The following CTNNA3 variants were observed in gnomAD, a reference collection of about 807,000 sequenced individuals.
CTNNA3 encodes catenin alpha-3.
Under a neutral mutation model 95.7 loss-of-function variants are expected in CTNNA3, and 76 were observed. The observed-to-expected ratio is 0.79, with a 90% CI of 0.66 to 0.96. CTNNA3 has a LOEUF of 0.96. Ranked by LOEUF, CTNNA3 falls within the 40% of genes least tolerant of loss-of-function variation. CTNNA3 has a pLI of 0.00. For missense variants in CTNNA3, 1,191 were observed against 1,089.8 expected (o/e 1.09, Z -1.31); for synonymous variants, 431 against 374.4 (o/e 1.15, Z -1.74).
intron 11 of CTNNA3, among the ~76,000 whole-genome samples, chr10:66,388,369 C>A (rs4426045): frequency 6.6e-6 from 1 of 151,974 alleles, no homozygotes. Context: ...ACTATTTTTT[C>A]CCCAGTGAAT....
chr10:66,030,945 T>A (rs900549348), intron 15 of CTNNA3, among the ~76,000 whole-genome samples: 13 of 151,962 alleles, frequency 8.6e-5, no homozygotes, highest in African/African-American at 3.1e-4. Context: ...ATGAAAAAAA[T>A]GCTCAACATC....
chr10:66,827,920 T>C (rs757550211), intron 7 of CTNNA3, among the ~76,000 whole-genome samples: 6 of 152,146 alleles, frequency 3.9e-5, no homozygotes, highest in Admixed American at 3.9e-4. Flanking sequence ...GAAACCGAGA[T>C]GATATAAAAC....
chr10:66,838,385 C>A (rs973744263), intron 7 of CTNNA3, among the ~76,000 whole-genome samples: 3 of 151,828 alleles, frequency 2.0e-5, no homozygotes, highest in Non-Finnish European at 4.4e-5. Context: ...ATTATTAGTA[C>A]TACTGTTACA....
chr10:67,004,567 C>T (rs1851867570), intron 7 of CTNNA3, among the ~76,000 whole-genome samples: 1 of 151,958 alleles, frequency 6.6e-6, no homozygotes, highest in African/African-American at 2.4e-5. Flanking sequence ...CAGTGGAAAC[C>T]ATCATTATTG....
chr10:66,417,117 G>C (rs1174921349), intron 11 of CTNNA3, among the ~76,000 whole-genome samples: 1 of 151,914 alleles, frequency 6.6e-6, no homozygotes, highest in Non-Finnish European at 1.5e-5. Flanking sequence ...TTAAAAAAAT[G>C]ATCCAACTAC....
In CTNNA3 at chr10:66,914,542, C is replaced by CAA. The variant is rs34229702; in HGVS notation, c.1048-139020_1048-139019dup. On this transcript the variant is annotated intron_variant, in intron 7 of 17. Transcript: ENST00000433211. ...GGCACCGCAGCAAGCAGTATACCAC[C>CAA]AAAAAAAAAAAAAAAACTGCAAATA... Among the ~76,000 whole-genome samples, 991 of 132,354 alleles carry CAA rather than the reference C, an allele frequency of 7.5e-3. 12 individuals carry two copies. Among genetic ancestry groups the CAA allele is most frequent in the African/African-American group, 0.025 (871 of 35,530 alleles). 86.8% of individuals were successfully genotyped at this position (132,354 alleles called of 152,430 possible).
chr10:67,721,955 T>C (rs1302261623), intron 1 of CTNNA3, among the ~76,000 whole-genome samples: 1 of 152,144 alleles, frequency 6.6e-6, no homozygotes, highest in African/African-American at 2.4e-5. Context: ...GGAGGTCCAC[T>C]CCAGACTCTG....
At chr10:67,689,684 C>T (rs1433112811) in intron 1 of CTNNA3, among the ~76,000 whole-genome samples, 1 of 152,052 alleles carries the variant, frequency 6.6e-6, no homozygotes, top group African/African-American at 2.4e-5. Context: ...TCCTCTCTGT[C>T]AACCCTCGGC....
At chr10:66,353,892 T>TA (rs5785756) in intron 12 of CTNNA3, among the ~76,000 whole-genome samples, 15,858 of 148,110 alleles carry the variant, frequency 0.11, 1,073 homozygotes, top group East Asian at 0.26. Flanking sequence ...GGGGAAAGAG[T>TA]AAAAAAAAAA....
At chr10:67,725,215 TGCC>T (rs1339679521) in intron 1 of CTNNA3, among the ~76,000 whole-genome samples, 4 of 151,802 alleles carry the variant, frequency 2.6e-5, no homozygotes, top group African/African-American at 9.7e-5. Context: ...CTCGCTCTGT[TGCC>T]CAGGCTGGCG....
chr10:66,649,748 G>T (rs1055394290), intron 9 of CTNNA3, among the ~76,000 whole-genome samples: 1 of 152,190 alleles, frequency 6.6e-6, no homozygotes, highest in South Asian at 2.1e-4. Flanking sequence ...CCCTAGGCTC[G>T]GGAACAGCCC....
At position 66,360,678 on chromosome 10, in the gene CTNNA3, C is replaced by T. The variant is rs1181123022; in HGVS notation, c.1732+18474G>A. Among the ~76,000 whole-genome samples the T allele has an allele frequency of 4.9e-3, 386 of 78,870 alleles. 12 individuals are homozygous for T. Among genetic ancestry groups the T allele is most frequent in the Non-Finnish European group, 7.4e-3 (267 of 35,888 alleles). 51.7% of individuals were successfully genotyped at this position (78,870 alleles called of 152,430 possible). A position where few individuals can be genotyped will look rare whatever the true frequency, so the allele number is the denominator to read the frequency against. On this transcript the variant is annotated intron_variant, in intron 12 of 17. Coordinates refer to ENST00000433211, the MANE Select transcript of CTNNA3 (RefSeq NM_013266.4). ...TTCTTTCTTCCTTCCTTCCTTCCTTCCTTCCTTCCTTCCTTTTCTTTCTTT... is the reference window on the plus strand; with the variant it reads ...TTCTTTCTTCCTTCCTTCCTTCCTTTCTTCCTTCCTTCCTTTTCTTTCTTT...
chr10:66,222,402 C>T (rs1403505847), intron 13 of CTNNA3, among the ~76,000 whole-genome samples: 2 of 152,114 alleles, frequency 1.3e-5, no homozygotes, highest in Non-Finnish European at 2.9e-5. Flanking sequence ...TATTGTTTAA[C>T]TCAAACACTG....
chr10:67,275,877 C>G (rs920629492), intron 5 of CTNNA3, among the ~76,000 whole-genome samples: 1 of 152,066 alleles, frequency 6.6e-6, no homozygotes, highest in African/African-American at 2.4e-5. Flanking sequence ...CTGATTTTTT[C>G]CACTTCTTCT....
intron 1 of CTNNA3, among the ~76,000 whole-genome samples, chr10:67,761,783 C>T (rs554591581): frequency 2.6e-5 from 4 of 151,182 alleles, no homozygotes; most frequent in African/African-American, 9.7e-5. Context: ...GAGGCTGAGA[C>T]AGGAGAATAG....
chr10:66,881,400 A>G (rs977047672), intron 7 of CTNNA3, among the ~76,000 whole-genome samples: 4 of 152,142 alleles, frequency 2.6e-5, no homozygotes, highest in Admixed American at 2.6e-4. Context: ...GTCATGATGT[A>G]GCTGAATACC....
chr10:66,259,742 TTGAC>T (rs2090926894), intron 13 of CTNNA3, among the ~76,000 whole-genome samples: 1 of 152,162 alleles, frequency 6.6e-6, no homozygotes, highest in Non-Finnish European at 1.5e-5. Context: ...CCTCACTATA[TTGAC>T]TATTACATAA....
intron 5 of CTNNA3, among the ~76,000 whole-genome samples, chr10:67,387,276 C>T (rs186780418): frequency 9.9e-5 from 15 of 152,108 alleles, no homozygotes; most frequent in Admixed American, 7.2e-4. Context: ...GTTCCCTTTC[C>T]GAGTCAAAGA....
At chr10:66,086,318 G>A (rs2080982560) in intron 14 of CTNNA3, among the ~76,000 whole-genome samples, 1 of 152,080 alleles carries the variant, frequency 6.6e-6, no homozygotes, top group African/African-American at 2.4e-5. Context: ...AAACTCTAGG[G>A]TGTTTGGAGG....
Sources: allele counts gnomAD v4.1 joint callset (sites outside exome capture counted in the v4.1 genomes callset), GRCh38; gene constraint gnomAD v4.1.1; transcripts MANE v1.5; gene names NCBI Gene and HGNC (gene_info 2026-07-23, HGNC 2026-07-21).